Variants in NPAS3 observed in about 807,000 individuals in gnomAD.
NPAS3 encodes the protein neuronal PAS domain protein 3.
In NPAS3, 14 loss-of-function variants were observed where a neutral mutation model predicts 73.1. That is an observed-to-expected ratio of 0.19 (90% CI 0.13 to 0.30). The LOEUF is 0.30. Among genes scored for constraint, NPAS3 ranks in the 10% least tolerant of loss-of-function variants. NPAS3 has a pLI of 1.00. For synonymous variants in NPAS3, 620 were observed against 541.5 expected, an observed-to-expected ratio of 1.14 and a Z score of -2.01; for missense variants, 1,096 against 1,250.0, an observed-to-expected ratio of 0.88 and a Z score of 1.86.
chr14:32,944,224 G>GT (rs1384352482), intron 1 of NPAS3, among the ~76,000 whole-genome samples: 1 of 152,102 alleles, frequency 6.6e-6, no homozygotes, highest in South Asian at 2.1e-4. Context: ...TCCATGCTAT[G>GT]TTTACACAGT....
intron 5 of NPAS3, among the ~76,000 whole-genome samples, chr14:33,642,379 G>A (rs1333850411): frequency 6.6e-6 from 1 of 152,128 alleles, no homozygotes; most frequent in Non-Finnish European, 1.5e-5. Context: ...TTCAGCAAGC[G>A]GCAATAGATA....
At chr14:33,165,979 G>A (rs1284098521) in intron 2 of NPAS3, among the ~76,000 whole-genome samples, 2 of 152,120 alleles carry the variant, frequency 1.3e-5, no homozygotes, top group Non-Finnish European at 2.9e-5. Context: ...GCCTTCTTTA[G>A]CCACGCTCAC....
chr14:33,598,634 G>A (rs1413058241), intron 5 of NPAS3, among the ~76,000 whole-genome samples: 1 of 152,126 alleles, frequency 6.6e-6, no homozygotes, highest in Non-Finnish European at 1.5e-5. Context: ...TGCATTTTTG[G>A]TGCTGGGACT....
intron 4 of NPAS3, among the ~76,000 whole-genome samples, chr14:33,462,889 G>T (rs955383790): frequency 5.3e-5 from 8 of 152,142 alleles, no homozygotes; most frequent in African/African-American, 1.7e-4. Flanking sequence ...CTGATAAAAG[G>T]GTGAGGATAA....
intron 7 of NPAS3, among the ~76,000 whole-genome samples, chr14:33,753,372 A>G (rs1365349574): frequency 6.6e-6 from 1 of 152,022 alleles, no homozygotes; most frequent in Non-Finnish European, 1.5e-5. Flanking sequence ...AAAAAAAAAA[A>G]ACGTACACTC....
Position 33,254,235 on chromosome 14 carries a change from C to T in NPAS3, c.385+38809C>T, listed in dbSNP as rs146438581. Among the ~76,000 whole-genome samples, 1,016 of 152,156 alleles carry T rather than the reference C, an allele frequency of 6.7e-3. 7 individuals are homozygous for T. Among genetic ancestry groups the T allele is most frequent in the African/African-American group, 0.023 (968 of 41,536 alleles). ...CTATAACCTAGAATTTATCTGTTTT[C>T]CCAGCCCCATCTGTTAGGATTTCTG... On this transcript the variant is annotated intron_variant, in intron 3 of 11. Coordinates refer to ENST00000356141, the Ensembl canonical transcript of NPAS3.
chr14:33,235,714 C>T lies in NPAS3; in HGVS notation c.385+20288C>T, dbSNP rs1594469644. ...AATAAAAACTCTGAAATCTGTATTT[C>T]TTATCACTCTCAGAGACACAGAACC... is the stretch of plus-strand genomic sequence containing the variant. On this transcript the variant is annotated intron_variant, in intron 3 of 11. Transcript: ENST00000356141. 2.0e-5 allele frequency among the ~76,000 whole-genome samples: 3 copies of T among 150,000 alleles called. No homozygotes were observed. The East Asian group carries it at 6.0e-4, about 30-fold the overall frequency.
At chr14:33,738,732 G>C (rs144772523) in intron 7 of NPAS3, among the ~76,000 whole-genome samples, 2 of 152,084 alleles carry the variant, frequency 1.3e-5, no homozygotes, top group Non-Finnish European at 2.9e-5. Context: ...CATGTTATCC[G>C]GACCAGCCAC....
chr14:33,116,527 A>G (rs1345345931), intron 2 of NPAS3, among the ~76,000 whole-genome samples: 1 of 152,132 alleles, frequency 6.6e-6, no homozygotes, highest in East Asian at 1.9e-4. Context: ...AGACATTACT[A>G]AGATAAGTGC....
intron 4 of NPAS3, among the ~76,000 whole-genome samples, chr14:33,443,748 G>A (rs189417536): frequency 1.8e-4 from 28 of 152,324 alleles, no homozygotes; most frequent in African/African-American, 5.1e-4. Flanking sequence ...ATGTCTGAAT[G>A]GTCCATTTAC....
intron 2 of NPAS3, among the ~76,000 whole-genome samples, chr14:33,167,551 A>G (rs2139355088): frequency 6.6e-6 from 1 of 152,350 alleles, no homozygotes; most frequent in Admixed American, 6.5e-5. Context: ...AAAATGTTGT[A>G]TTCATTGAGT....
chr14:33,268,428 A>G (rs1225300105), intron 3 of NPAS3, among the ~76,000 whole-genome samples: 1 of 152,080 alleles, frequency 6.6e-6, no homozygotes, highest in East Asian at 1.9e-4. Flanking sequence ...AGGTGGCAGG[A>G]CCCTTTATTC....
chr14:33,425,284 A>G (rs2048510105), intron 4 of NPAS3, among the ~76,000 whole-genome samples: 1 of 152,040 alleles, frequency 6.6e-6, no homozygotes, highest in African/African-American at 2.4e-5. Context: ...AAGAGTTTGT[A>G]TTTAAATGAA....
At chr14:33,124,961 G>T (rs1394821408) in intron 2 of NPAS3, among the ~76,000 whole-genome samples, 1 of 152,084 alleles carries the variant, frequency 6.6e-6, no homozygotes, top group Non-Finnish European at 1.5e-5. Context: ...AGTACATTTG[G>T]AATAGATGTA....
intron 3 of NPAS3, among the ~76,000 whole-genome samples, chr14:33,321,418 G>A (rs906284382): frequency 3.3e-5 from 5 of 151,932 alleles, no homozygotes; most frequent in African/African-American, 1.2e-4. Flanking sequence ...CCTGGGTAAG[G>A]CATATCTCTA....
intron 1 of NPAS3, among the ~76,000 whole-genome samples, chr14:33,008,853 C>T (rs1465941131): frequency 6.6e-6 from 1 of 152,004 alleles, no homozygotes; most frequent in East Asian, 1.9e-4. Context: ...AATTTATGAG[C>T]CGTATGTCAG....
chr14:33,009,168 A>G (rs1300860838), intron 1 of NPAS3, among the ~76,000 whole-genome samples: 1 of 152,212 alleles, frequency 6.6e-6, no homozygotes, highest in Non-Finnish European at 1.5e-5. Context: ...TGTATTAGAA[A>G]AGTAAATGCT....
At chr14:33,380,943 T>A (rs1256564885) in intron 4 of NPAS3, among the ~76,000 whole-genome samples, 1 of 152,160 alleles carries the variant, frequency 6.6e-6, no homozygotes, top group Admixed American at 6.5e-5. Flanking sequence ...TTTAGTAAAT[T>A]TCATCTGGTA....
chr14:32,956,959 A>AT (rs2036695457), intron 1 of NPAS3, among the ~76,000 whole-genome samples: 1 of 152,224 alleles, frequency 6.6e-6, no homozygotes, highest in East Asian at 1.9e-4. Context: ...AAACCTTTCT[A>AT]TTTTTCCAGT....
Sources: allele counts gnomAD v4.1 joint callset (sites outside exome capture counted in the v4.1 genomes callset), GRCh38; gene constraint gnomAD v4.1.1; transcripts MANE v1.5; gene names NCBI Gene and HGNC (gene_info 2026-07-23, HGNC 2026-07-21).